EDA: variants seen among roughly 807,000 people sequenced by gnomAD.
EDA encodes the protein ectodysplasin A.
Under a neutral mutation model 23.6 loss-of-function variants are expected in EDA, and 2 were observed. The ratio of observed to expected loss-of-function variants is 0.08; its 90% CI spans 0.03 to 0.27. EDA has a LOEUF of 0.27. EDA is among the 10% of genes least tolerant of loss of function. The pLI, the probability that EDA is intolerant of heterozygous loss-of-function variation, is 1.00. For missense variants in EDA, 229 were observed against 324.2 expected (o/e 0.71, Z 2.26); for synonymous variants, 131 against 132.0 (o/e 0.99, Z 0.05).
intron 1 of EDA, among the ~76,000 whole-genome samples, chrX:69,904,804 C>T (rs918308738): frequency 8.9e-6 from 1 of 112,064 alleles, no homozygotes; most frequent in Non-Finnish European, 1.9e-5. Context: ...TGACTTATTT[C>T]ATTTAACATG....
chrX:69,678,429 C>T (rs1435234214), intron 1 of EDA, among the ~76,000 whole-genome samples: 3 of 111,668 alleles, frequency 2.7e-5, no homozygotes, highest in Non-Finnish European at 3.8e-5. Context: ...GCCATTTTCA[C>T]GATATTGATT....
chrX:69,815,220 C>T (rs1162922749), intron 1 of EDA, among the ~76,000 whole-genome samples: 3 of 112,071 alleles, frequency 2.7e-5, no homozygotes, highest in African/African-American at 3.2e-5. Context: ...TCCAGCCTGC[C>T]GGCTTTGGAG....
chrX:69,920,975 T>G (rs1483046678), intron 1 of EDA, among the ~76,000 whole-genome samples: 1 of 110,267 alleles, frequency 9.1e-6, no homozygotes, highest in Non-Finnish European at 1.9e-5. Flanking sequence ...TATTTATTTA[T>G]TTATTTATTT....
In EDA at chrX:69,616,146, G is replaced by T; in HGVS notation, c.-163G>T. Reference sequence around the variant, plus strand: ...CACCCCTCGGAGTAGAGCTGCACATGCGGCTGCTCCCTGCTCCGTCCCGCC... The same window carrying T: ...CACCCCTCGGAGTAGAGCTGCACATTCGGCTGCTCCCTGCTCCGTCCCGCC... On this transcript the variant is annotated 5_prime_UTR_variant, in exon 1 of 8. An upstream start codon of the reference 5' UTR is lost. Coordinates refer to ENST00000374552, the MANE Select transcript of EDA (RefSeq NM_001399.5). The T allele has an allele frequency of 1.2e-5, 5 of 432,883 alleles. No homozygotes were observed. Among genetic ancestry groups the T allele is most frequent in the Non-Finnish European group, 1.9e-5 (5 of 260,806 alleles). The allele number at this position is 432,883 out of a possible 1,213,427, so 35.7% of individuals were successfully genotyped here. A position where few individuals can be genotyped will look rare whatever the true frequency, so the allele number is the denominator to read the frequency against.
chrX:69,667,706 T>G (rs908353449), intron 1 of EDA, among the ~76,000 whole-genome samples: 1 of 112,147 alleles, frequency 8.9e-6, no homozygotes, highest in African/African-American at 3.2e-5. Flanking sequence ...CTGTCTTAAT[T>G]CATTTTGTGT....
chrX:69,702,990 C>A (rs1414393243), intron 1 of EDA, among the ~76,000 whole-genome samples: 1 of 108,741 alleles, frequency 9.2e-6, no homozygotes, highest in Non-Finnish European at 1.9e-5. Flanking sequence ...AGAGGGCTGT[C>A]CTTTGGAATG....
intron 3 of EDA, 25 bp from the exon 4 acceptor site, chrX:70,027,832 A>AT: frequency 1.4e-6 from 1 of 692,480 alleles, no homozygotes; most frequent in Non-Finnish European, 2.3e-6. Context: ...CAAAAAAAAA[A>AT]GTAACACTGA....
chrX:69,726,550 T>C (rs940319556), intron 1 of EDA, among the ~76,000 whole-genome samples: 3 of 112,615 alleles, frequency 2.7e-5, no homozygotes, highest in Non-Finnish European at 5.6e-5. Context: ...ATATAATGTC[T>C]GGCATTCAAT....
intron 1 of EDA, among the ~76,000 whole-genome samples, chrX:69,714,735 C>A (rs2012244921): frequency 9.0e-6 from 1 of 111,253 alleles, no homozygotes; most frequent in African/African-American, 3.3e-5. Context: ...TGTTTTGTCT[C>A]ATGGAGCTGT....
At chrX:69,918,172 T>TC (rs1556031667) in intron 1 of EDA, among the ~76,000 whole-genome samples, 3 of 84,933 alleles carry the variant, frequency 3.5e-5, no homozygotes, top group African/African-American at 4.7e-5. Flanking sequence ...TTTTTTTTTT[T>TC]TCCAGACAGA....
At chrX:69,883,907 G>A (rs2147623216) in intron 1 of EDA, among the ~76,000 whole-genome samples, 1 of 109,819 alleles carries the variant, frequency 9.1e-6, no homozygotes, top group East Asian at 2.9e-4. Flanking sequence ...GATCAGCCAG[G>A]GTAACATAGC....
intron 1 of EDA, among the ~76,000 whole-genome samples, chrX:69,847,594 A>G (rs2017035912): frequency 1.8e-5 from 2 of 111,863 alleles, no homozygotes; most frequent in African/African-American, 6.5e-5. Flanking sequence ...ACTCAGGATA[A>G]TGCCTTTGAG....
intron 1 of EDA, among the ~76,000 whole-genome samples, chrX:69,674,204 CT>C (rs1189288336): frequency 3.6e-5 from 4 of 109,991 alleles, no homozygotes; most frequent in African/African-American, 1.3e-4. Context: ...ACATATGTAC[CT>C]TTTTTTCCCC....
chrX:69,710,336 G>A (rs775618871), intron 1 of EDA, among the ~76,000 whole-genome samples: 9 of 110,647 alleles, frequency 8.1e-5, no homozygotes, highest in Non-Finnish European at 1.5e-4. Flanking sequence ...TGAGGGCTCT[G>A]TTCTGTTCCA....
At position 69,968,650 on chromosome X, in the gene EDA, G is replaced by C. The variant is rs2019207951; in HGVS notation, c.502+11518G>C. Among the ~76,000 whole-genome samples, 4 of 112,175 alleles carry C rather than the reference G, an allele frequency of 3.6e-5. No homozygotes were observed. The South Asian group carries it at 1.5e-3, about 42-fold the overall frequency. ...ACAGAAATAAATGTTAGCAAGGCAA[G>C]CACAATTCTTCCTTGCTAATAAATA... On this transcript the variant is annotated intron_variant, in intron 2 of 7. Coordinates refer to ENST00000374552, the MANE Select transcript of EDA (RefSeq NM_001399.5).
Position 69,714,455 on chromosome X carries a change from T to A in EDA, c.396+97751T>A, listed in dbSNP as rs369821108. Among the ~76,000 whole-genome samples, 16 of 111,978 alleles carry A rather than the reference T, an allele frequency of 1.4e-4. No homozygotes were observed. In the East Asian group the frequency reaches 4.5e-3, roughly 31 times the overall value. On this transcript the variant is annotated intron_variant, in intron 1 of 7. Coordinates refer to ENST00000374552, the MANE Select transcript of EDA (RefSeq NM_001399.5). ...TCTTTTATAGATCATACTTTTTGTG[T>A]CAAGTCTAAGAACTCTTTGCCTCAC...
intron 1 of EDA, among the ~76,000 whole-genome samples, chrX:69,912,389 TTTAC>T (rs1430809814): frequency 8.9e-6 from 1 of 112,037 alleles, no homozygotes; most frequent in Non-Finnish European, 1.9e-5. Flanking sequence ...TGGAAGGTTC[TTTAC>T]TTACTCTGCC....
chrX:69,895,395 TACACACACACAC>T (rs200298403), intron 1 of EDA, among the ~76,000 whole-genome samples: 15,445 of 85,946 alleles, frequency 0.18, 1,089 homozygotes, highest in South Asian at 0.26. Context: ...TTTCTCAACC[TACACACACACAC>T]ACACACACAC....
intron 1 of EDA, among the ~76,000 whole-genome samples, chrX:69,787,901 C>G (rs150643320): frequency 0.38 from 41,833 of 110,524 alleles, 7,124 homozygotes; most frequent in Middle Eastern, 0.64. Flanking sequence ...CAACTTGGCT[C>G]CATTCTCCCC....
Sources: allele counts gnomAD v4.1 joint callset (sites outside exome capture counted in the v4.1 genomes callset), GRCh38; gene constraint gnomAD v4.1.1; transcripts MANE v1.5; gene names NCBI Gene and HGNC (gene_info 2026-07-23, HGNC 2026-07-21).